Variants in ZNF341 observed in about 807,000 individuals in gnomAD.
ZNF341 encodes zinc finger protein 341.
Under a neutral mutation model 87.7 loss-of-function variants are expected in ZNF341, and 52 were observed. The ratio of observed to expected loss-of-function variants is 0.59; its 90% CI spans 0.47 to 0.75. The LOEUF (loss-of-function observed/expected upper bound fraction) is 0.75, where lower values mean the gene tolerates loss of function less well. Among genes scored for constraint, ZNF341 ranks in the 30% least tolerant of loss-of-function variants. The pLI is 0.00. For synonymous variants in ZNF341, 459 were observed against 472.7 expected, an observed-to-expected ratio of 0.97 and a Z score of 0.38; for missense variants, 977 against 1,145.9, an observed-to-expected ratio of 0.85 and a Z score of 2.13.
intron 8 of ZNF341, among the ~76,000 whole-genome samples, chr20:33,765,189 G>T (rs1237484506): frequency 1.3e-5 from 2 of 151,962 alleles, no homozygotes; most frequent in South Asian, 2.1e-4. Context: ...ATAGTGTAAG[G>T]CCAGAGTCTA....
chr20:33,788,833 G>T (rs768786528), intron 12 of ZNF341, 30 bp from the exon 13 acceptor site: 2 of 1,599,928 alleles, frequency 1.3e-6, no homozygotes, highest in East Asian at 2.2e-5. Flanking sequence ...CCTGGTGAGT[G>T]CTGGCTCTCC....
chr20:33,788,665 G>A, intron 12 of ZNF341, 198 bp from the exon 13 acceptor site: 1 of 626,382 alleles, frequency 1.6e-6, no homozygotes, highest in East Asian at 2.9e-5. Flanking sequence ...CATCAGAGAG[G>A]CCTCTCCTGA....
chr20:33,770,682 A>G (rs1204518368), intron 10 of ZNF341, among the ~76,000 whole-genome samples: 3 of 152,200 alleles, frequency 2.0e-5, no homozygotes, highest in Non-Finnish European at 4.4e-5. Flanking sequence ...CCGGTTCTTA[A>G]CAATTAAAAA....
At chr20:33,750,283 G>A (rs149482927) in intron 4 of ZNF341, among the ~76,000 whole-genome samples, 73 of 152,274 alleles carry the variant, frequency 4.8e-4, no homozygotes, top group African/African-American at 1.7e-3. Context: ...AAAAAGATCT[G>A]TGGCCAAAGG....
At chr20:33,763,028 A>G (rs1423683969) in intron 8 of ZNF341, among the ~76,000 whole-genome samples, 1 of 152,206 alleles carries the variant, frequency 6.6e-6, no homozygotes, top group African/African-American at 2.4e-5. Flanking sequence ...CATGCTATGT[A>G]AGGATGTTTC....
chr20:33,772,862 G>C (rs2019558676), intron 10 of ZNF341, among the ~76,000 whole-genome samples: 1 of 152,190 alleles, frequency 6.6e-6, no homozygotes, highest in Non-Finnish European at 1.5e-5. Context: ...TCAAGAAATG[G>C]GGTGTAGGGT....
chr20:33,746,031 C>T (rs1371008363), intron 3 of ZNF341, among the ~76,000 whole-genome samples: 4 of 142,628 alleles, frequency 2.8e-5, no homozygotes, highest in Non-Finnish European at 4.6e-5. Flanking sequence ...CCTGGGTTCA[C>T]GCCATTCTCC....
intron 13 of ZNF341, 144 bp downstream of exon 13, chr20:33,789,118 C>T: frequency 1.3e-5 from 8 of 636,658 alleles, no homozygotes; most frequent in South Asian, 1.2e-4. Context: ...CTCTGTCATC[C>T]AGGCTGGAGT....
intron 1 of ZNF341, among the ~76,000 whole-genome samples, chr20:33,737,080 G>A (rs1011446591): frequency 2.6e-5 from 4 of 152,332 alleles, no homozygotes; most frequent in African/African-American, 9.6e-5. Flanking sequence ...AGTGGCAGGT[G>A]CTGCCAGATG....
intron 4 of ZNF341, 31 bp from the exon 5 acceptor site, chr20:33,753,141 G>A: frequency 6.2e-7 from 1 of 1,611,516 alleles, no homozygotes; most frequent in South Asian, 1.1e-5. Flanking sequence ...GGTATCAAGA[G>A]GCTATAACAC....
At chr20:33,760,572 C>G in intron 7 of ZNF341, among the ~76,000 whole-genome samples, 1 of 151,950 alleles carries the variant, frequency 6.6e-6, no homozygotes, top group Non-Finnish European at 1.5e-5. Flanking sequence ...GAGACAGGGT[C>G]TTGCTCTGTT....
rs368445583 is a variant in ZNF341 at position 33,740,882 on chromosome 20, G to A, written c.32-20G>A. On this transcript the variant is annotated intron_variant, in intron 1 of 14. Transcript: ENST00000375200. ...TGATGCTGGGCCTACCTTCCAAAGA[G>A]GCTGCACTTCTTTTTTCAGGAATGG... 1.4e-5 allele frequency: 23 copies of A among 1,609,928 alleles called. No individual in the cohort carries two copies. In the African/African-American group the frequency reaches 2.9e-4, roughly 21 times the overall value.
chr20:33,790,199 G>C (rs1017359713), intron 14 of ZNF341, among the ~76,000 whole-genome samples: 1 of 151,700 alleles, frequency 6.6e-6, no homozygotes, highest in Non-Finnish European at 1.5e-5. Flanking sequence ...AGCTTCCCAA[G>C]TAGTTGGGAT....
At chr20:33,785,448 G>A (rs2019834460) in intron 12 of ZNF341, among the ~76,000 whole-genome samples, 3 of 151,736 alleles carry the variant, frequency 2.0e-5, no homozygotes, top group Non-Finnish European at 4.4e-5. Context: ...AGCCATTCTC[G>A]TGCCTCAGCC....
chr20:33,775,127 A>T (rs1228864015), intron 10 of ZNF341, among the ~76,000 whole-genome samples: 1 of 152,074 alleles, frequency 6.6e-6, no homozygotes, highest in African/African-American at 2.4e-5. Flanking sequence ...TATAACAATT[A>T]TACAGGGAAC....
Position 33,749,051 on chromosome 20 carries a change from C to T in ZNF341, c.468C>T (p.Pro156=), listed in dbSNP as rs143444006. ...TCACATCCCTGGACCAGCCCATGCC[C>T]CAGGGCCCCCCACCTGTGCAGGTAA... ...SAFTSLDQPM[P]QGPPPVQSSL... Residue 156 remains proline, a synonymous_variant, in exon 4 of 15, where the codon CCC becomes CCT. Coordinates refer to ENST00000375200, the MANE Select transcript of ZNF341 (RefSeq NM_001282933.2). 2.2e-5 allele frequency: 36 copies of T among 1,613,858 alleles called. No individual in the cohort carries two copies. In the African/African-American group the frequency reaches 3.1e-4, roughly 14 times the overall value.
At chr20:33,748,657 C>T (rs993529127) in intron 3 of ZNF341, among the ~76,000 whole-genome samples, 16 of 152,046 alleles carry the variant, frequency 1.1e-4, no homozygotes, top group African/African-American at 2.2e-4. Flanking sequence ...TGTGAGCCAC[C>T]GTGCCCAGTC....
At chr20:33,760,944 T>G (rs2019277805) in intron 7 of ZNF341, among the ~76,000 whole-genome samples, 1 of 152,092 alleles carries the variant, frequency 6.6e-6, no homozygotes, top group Admixed American at 6.6e-5. Flanking sequence ...TGATAAGTGG[T>G]TTTCCACATA....
rs779567268 is a variant in ZNF341, at chr20:33,783,863, G to A, written c.1851G>A (p.Ser617=). Residue 617 remains serine (S), a splice_region_variant and synonymous_variant, in exon 12 of 15, where the codon TCG becomes TCA. Coordinates refer to ENST00000375200, the MANE Select transcript of ZNF341 (RefSeq NM_001282933.2). The part of the protein sequence containing the change: ...HYLKLHAHIH[S]GEKPYKCSVC... ...TCAAACTGCATGCTCACATCCACTC[G>A]GGTAGGTACCCTGCCCCTGAGAACT... The A allele has an allele frequency of 1.6e-5, 26 of 1,612,246 alleles. 1 individual carries two copies. In the East Asian group the frequency reaches 2.0e-4, roughly 12 times the overall value.
Sources: gnomAD v4.1 joint callset for allele counts (sites outside exome capture counted in the v4.1 genomes callset) on GRCh38, gnomAD v4.1.1 for gene constraint, MANE v1.5 for transcripts, NCBI Gene and HGNC (gene_info 2026-07-23, HGNC 2026-07-21) for gene names.